LRRC56: variants seen among roughly 807,000 people sequenced by gnomAD.
The protein encoded by LRRC56 is leucine-rich repeat-containing protein 56.
LRRC56 carries 41 observed loss-of-function variants against 47.8 expected under a neutral mutation model. That is an observed-to-expected ratio of 0.86 (90% CI 0.67 to 1.11). The LOEUF is 1.11. Among genes scored for constraint, LRRC56 ranks in the 50% most tolerant of loss-of-function variants. The pLI is 0.00. For missense variants in LRRC56, 759 were observed against 704.2 expected (o/e 1.08, Z -0.88); for synonymous variants, 387 against 311.2 (o/e 1.24, Z -2.56).
At chr11:530,512 G>C in the LRRC56 span, among the ~76,000 whole-genome samples, 1 of 119,414 alleles carries the variant, frequency 8.4e-6, no homozygotes, top group Admixed American at 8.3e-5. Flanking sequence ...CGAGTGTGGC[G>C]TCCCCTGGAG....
chr11:536,029 C>A (rs112582348), upstream of LRRC56, among the ~76,000 whole-genome samples: 402 of 152,338 alleles, frequency 2.6e-3, 9 homozygotes, highest in Admixed American at 0.024. Flanking sequence ...CTGGGGGCCC[C>A]CGGGTGGCCG....
chr11:526,384 C>T, the LRRC56 span, among the ~76,000 whole-genome samples: 5 of 152,230 alleles, frequency 3.3e-5, no homozygotes, highest in South Asian at 2.1e-4. Flanking sequence ...AAATCACGGG[C>T]GACAGGACTC....
intron 2 of LRRC56, among the ~76,000 whole-genome samples, chr11:539,170 T>G (rs1188835105): frequency 2.0e-5 from 3 of 152,208 alleles, no homozygotes; most frequent in Non-Finnish European, 4.4e-5. Flanking sequence ...AAGCTCCACC[T>G]CCTGGGTTCA....
rs1047282381 is a variant in LRRC56 at position 541,322 on chromosome 11, T to C, written c.178-215T>C. 1.3e-5 allele frequency among the ~76,000 whole-genome samples: 2 copies of C among 152,080 alleles called. No individual in the cohort carries two copies. Among genetic ancestry groups the C allele is most frequent in the African/African-American group, 4.8e-5 (2 of 41,406 alleles). ...ACGGGCAGCCCCCAGGGCAGGTCCT[T>C]CTCCCGCAATGACCCCCCAGCCAAG... On this transcript the variant is annotated intron_variant, in intron 4 of 13. Transcript: ENST00000270115. This position sits in a 1 kb window ranked among gnomAD's most constrained non-coding sequence, Gnocchi z 4.1.
chr11:534,369 G>C (rs1452785982), upstream of LRRC56: 1 of 1,468,662 alleles, frequency 6.8e-7, no homozygotes, highest in Admixed American at 1.7e-5. Context: ...AGGGTCTCCT[G>C]CCCCACCTGC....
Position 554,334 on chromosome 11 carries a change from G to C in LRRC56, c.*58G>C. The C allele has an allele frequency of 1.4e-6, 2 of 1,401,086 alleles. No homozygotes were observed. The highest frequency in any genetic ancestry group is 1.9e-6 in the Non-Finnish European group (2 of 1,064,102). 86.8% of individuals were successfully genotyped at this position (1,401,086 alleles called of 1,614,324 possible). A position where few individuals can be genotyped will look rare whatever the true frequency, so the allele number is the denominator to read the frequency against. ...GGGCCACGACTTGCCCACATATGTGGTCACAGAGCACAGAATACCTGGGCG... is the reference window on the plus strand; with the variant it reads ...GGGCCACGACTTGCCCACATATGTGCTCACAGAGCACAGAATACCTGGGCG... On this transcript the variant is annotated 3_prime_UTR_variant, in exon 14 of 14. Transcript: ENST00000270115.
At chr11:532,206 C>G in the LRRC56 span, 1 of 358,348 alleles carries the variant, frequency 2.8e-6, no homozygotes, top group Non-Finnish European at 5.3e-6. Flanking sequence ...CCAGGCCACA[C>G]GCGCACCGTG....
At chr11:509,366 T>C in the LRRC56 span, among the ~76,000 whole-genome samples, 5 of 152,340 alleles carry the variant, frequency 3.3e-5, no homozygotes, top group African/African-American at 1.2e-4. Flanking sequence ...TTAGATTTGT[T>C]CGTGGCAATT....
chr11:547,831 TA>T (rs1852168902), intron 6 of LRRC56, among the ~76,000 whole-genome samples: 1 of 151,890 alleles, frequency 6.6e-6, no homozygotes, highest in African/African-American at 2.4e-5. Flanking sequence ...ATAAATTGTA[TA>T]AAAAATATAT....
chr11:513,549 C>T, the LRRC56 span, among the ~76,000 whole-genome samples: 1 of 152,118 alleles, frequency 6.6e-6, no homozygotes, highest in Non-Finnish European at 1.5e-5. Flanking sequence ...CCATAAACTT[C>T]GTTGGTACAG....
chr11:514,748 CAT>C, the LRRC56 span, among the ~76,000 whole-genome samples: 2 of 152,168 alleles, frequency 1.3e-5, no homozygotes, highest in African/African-American at 4.8e-5. Context: ...GTGGTATAAA[CAT>C]AACTTTTATA....
Position 540,775 on chromosome 11 carries a change from C to T in LRRC56, c.91C>T (p.Pro31Ser), listed in dbSNP as rs768797580. The change falls in exon 4 of 14, where the codon CCC becomes TCC. Residue 31 changes from proline (P) to serine (S), a missense_variant. Coordinates refer to ENST00000270115, the MANE Select transcript of LRRC56 (RefSeq NM_198075.4). ...GCTGAGCTGGCAAGGCCTGCACAAC[C>T]CCTGCCCACAGAGCAAGGGCCCTGG... ...RELSWQGLHN[P>S]CPQSKGPGSQ... The T allele has an allele frequency of 1.9e-6, 3 of 1,610,144 alleles. No individual in the cohort carries two copies. The highest frequency in any genetic ancestry group is 2.5e-6 in the Non-Finnish European group (3 of 1,178,926).
chr11:547,057 C>CAA (rs1191324995), intron 6 of LRRC56, among the ~76,000 whole-genome samples: 1 of 142,170 alleles, frequency 7.0e-6, no homozygotes. Context: ...AACTCCATCT[C>CAA]AAAAAAAAAA....
upstream of LRRC56, chr11:533,622 G>A (rs1397119284): frequency 6.2e-6 from 10 of 1,613,730 alleles, no homozygotes; most frequent in East Asian, 2.2e-4. Flanking sequence ...CCTGAGAGGT[G>A]GAAAGCGAGA....
chr11:509,332 C>A, the LRRC56 span, among the ~76,000 whole-genome samples: 1 of 152,202 alleles, frequency 6.6e-6, no homozygotes, highest in Non-Finnish European at 1.5e-5. Flanking sequence ...GGTTTCATTT[C>A]ATTCTTTTCT....
rs761765708 is a variant in LRRC56, at chr11:550,206, C to T, written c.558C>T (p.Arg186=). Residue 186 remains arginine (R), a synonymous_variant, in exon 8 of 14, where the codon CGC becomes CGT. Transcript: ENST00000270115. The part of the protein sequence containing the change: ...GQVRYLQLCP[R]LAMLTLEGNL... Reference sequence around the variant, plus strand: ...TGCGCTACTTGCAGCTGTGCCCACGCCTGGCCATGCTCACCCTGGAGGGCA... The same window carrying T: ...TGCGCTACTTGCAGCTGTGCCCACGTCTGGCCATGCTCACCCTGGAGGGCA... 1.9e-6 allele frequency: 3 copies of T among 1,612,632 alleles called. No individual in the cohort carries two copies. The highest frequency in any genetic ancestry group is 2.5e-6 in the Non-Finnish European group (3 of 1,179,702).
upstream of LRRC56, chr11:534,341 G>A (rs1187467800): frequency 5.0e-6 from 8 of 1,595,438 alleles, no homozygotes; most frequent in African/African-American, 2.7e-5. Flanking sequence ...AGGGGCCTGC[G>A]GCCCGGGGTC....
At chr11:550,427 C>T (rs562085641) in intron 8 of LRRC56, among the ~76,000 whole-genome samples, 155 bp downstream of exon 8, 1 of 152,310 alleles carries the variant, frequency 6.6e-6, no homozygotes, top group East Asian at 1.9e-4. Context: ...CACTGGAAGT[C>T]TGACGGCTCC....
Position 554,599 on chromosome 11 carries a change from C to A in LRRC56, c.*323C>A, listed in dbSNP as rs781576723. ...GCAGGCCTGTGAGAGGCCTCTCCTG[C>A]TAGAATTGGGCATGGCCGAGGGGCA... On this transcript the variant is annotated 3_prime_UTR_variant, in exon 14 of 14. Transcript: ENST00000270115. 18 of 408,522 alleles carry A rather than the reference C, an allele frequency of 4.4e-5. No individual in the cohort carries two copies. The highest frequency in any genetic ancestry group is 1.7e-4 in the Admixed American group (4 of 23,470). The allele number at this position is 408,522 out of a possible 1,614,324, so 25.3% of individuals were successfully genotyped here.
Sources: allele counts gnomAD v4.1 joint callset (sites outside exome capture counted in the v4.1 genomes callset), GRCh38; gene constraint gnomAD v4.1.1; non-coding constraint Gnocchi (gnomAD v3.1); transcripts MANE v1.5; gene names NCBI Gene and HGNC (gene_info 2026-07-23, HGNC 2026-07-21).